C10orf90: variants seen among roughly 807,000 people sequenced by gnomAD.
C10orf90 encodes chromosome 10 open reading frame 90, also known as (E2-independent) E3 ubiquitin-conjugating enzyme FATS.
A neutral mutation model predicts 62.5 loss-of-function variants in C10orf90; 56 were observed. The ratio of observed to expected loss-of-function variants is 0.90; its 90% CI spans 0.72 to 1.12. The LOEUF is 1.12. Among genes scored for constraint, C10orf90 ranks in the 50% most tolerant of loss-of-function variants. The pLI is 0.00. For synonymous variants in C10orf90, 386 were observed against 340.4 expected (o/e 1.13, Z -1.47); for missense variants, 970 against 880.4 (o/e 1.10, Z -1.29).
intron 2 of C10orf90, among the ~76,000 whole-genome samples, chr10:126,551,517 G>A (rs1053911197): frequency 1.3e-5 from 2 of 152,146 alleles, no homozygotes; most frequent in African/African-American, 4.8e-5. Context: ...TATGGGGAGG[G>A]AGTGAGTGTG....
intron 1 of C10orf90, among the ~76,000 whole-genome samples, chr10:126,648,536 A>G (rs1166953940): frequency 6.6e-6 from 1 of 152,242 alleles, no homozygotes; most frequent in East Asian, 1.9e-4. Context: ...TTATACTTCT[A>G]TATATCTTTT....
chr10:126,526,282 T>C (rs1352610587), intron 2 of C10orf90, among the ~76,000 whole-genome samples: 4 of 151,278 alleles, frequency 2.6e-5, no homozygotes, highest in Admixed American at 6.6e-5. Context: ...TCTCACTCTG[T>C]CGTTCAGGCT....
chr10:126,622,555 T>A lies in C10orf90; in HGVS notation c.313+24010A>T, dbSNP rs372466843. ...AGAGGCCAGGGTGCAGCTAACATCC[T>A]ACAGTGCTCAGGATCCCTGCCACTA... On this transcript the variant is annotated intron_variant, in intron 2 of 9. Transcript: ENST00000488181. 1.4e-4 allele frequency among the ~76,000 whole-genome samples: 22 copies of A among 152,308 alleles called. No individual in the cohort carries two copies. The South Asian group carries it at 2.1e-3, about 14-fold the overall frequency.
chr10:126,660,866 C>T (rs1054646834), intron 1 of C10orf90, among the ~76,000 whole-genome samples: 5 of 152,218 alleles, frequency 3.3e-5, no homozygotes, highest in Admixed American at 1.3e-4. Context: ...CTAGCTGCTT[C>T]AGTTAATTTG....
At chr10:126,584,075 G>C (rs1244142476) in intron 2 of C10orf90, among the ~76,000 whole-genome samples, 1 of 152,148 alleles carries the variant, frequency 6.6e-6, no homozygotes, top group Non-Finnish European at 1.5e-5. Flanking sequence ...AGCTGTGATG[G>C]TGCCACTGCC....
chr10:126,665,102 C>A (rs1355786477), intron 1 of C10orf90, among the ~76,000 whole-genome samples: 1 of 152,182 alleles, frequency 6.6e-6, no homozygotes, highest in African/African-American at 2.4e-5. Flanking sequence ...GGGCTCCCAG[C>A]CTGTTGGCAG....
chr10:126,494,815 A>T (rs1861954225), intron 4 of C10orf90, among the ~76,000 whole-genome samples: 1 of 152,240 alleles, frequency 6.6e-6, no homozygotes, highest in Non-Finnish European at 1.5e-5. Context: ...ATTAGGCAAG[A>T]GTAGGCATTT....
chr10:126,513,218 C>A (rs1863239322), intron 3 of C10orf90, among the ~76,000 whole-genome samples: 1 of 152,158 alleles, frequency 6.6e-6, no homozygotes, highest in African/African-American at 2.4e-5. Context: ...TACAAAAGCT[C>A]CAGAGCCAGG....
chr10:126,633,282 G>A (rs531975136), intron 2 of C10orf90, among the ~76,000 whole-genome samples: 1 of 152,350 alleles, frequency 6.6e-6, no homozygotes, highest in African/African-American at 2.4e-5. Context: ...GGACATCCCA[G>A]GGCCACATGA....
chr10:126,553,410 T>G (rs1864683574), intron 2 of C10orf90, among the ~76,000 whole-genome samples: 1 of 152,182 alleles, frequency 6.6e-6, no homozygotes, highest in Admixed American at 6.5e-5. Context: ...CAACACCTAT[T>G]AATCATCAAA....
chr10:126,589,968 C>T (rs1844947165), intron 2 of C10orf90, among the ~76,000 whole-genome samples: 1 of 152,134 alleles, frequency 6.6e-6, no homozygotes, highest in Non-Finnish European at 1.5e-5. Flanking sequence ...TGCAAAAACA[C>T]ACACAGGCTC....
intron 2 of C10orf90, among the ~76,000 whole-genome samples, chr10:126,546,586 A>C (rs200257629): frequency 6.6e-6 from 1 of 152,044 alleles, no homozygotes; most frequent in East Asian, 1.9e-4. Flanking sequence ...GCCTCCCCCC[A>C]CCCAGGGAGA....
At chr10:126,518,861 C>T (rs915070668) in intron 2 of C10orf90, among the ~76,000 whole-genome samples, 1 of 152,150 alleles carries the variant, frequency 6.6e-6, no homozygotes, top group African/African-American at 2.4e-5. Context: ...CACCACAAGG[C>T]CCTGAGTCAA....
intron 2 of C10orf90, among the ~76,000 whole-genome samples, chr10:126,615,082 T>C (rs1049896228): frequency 5.3e-5 from 8 of 152,184 alleles, no homozygotes; most frequent in African/African-American, 1.9e-4. Context: ...CTCTTAGTGT[T>C]TTCTCATCCT....
intron 2 of C10orf90, among the ~76,000 whole-genome samples, chr10:126,544,178 C>T (rs896647380): frequency 2.6e-5 from 4 of 152,214 alleles, no homozygotes; most frequent in Non-Finnish European, 2.9e-5. Flanking sequence ...AAAGACTTTT[C>T]GAGATGGACC....
chr10:126,547,397 C>T (rs1403311679), intron 2 of C10orf90, among the ~76,000 whole-genome samples: 14 of 145,940 alleles, frequency 9.6e-5, no homozygotes, highest in Admixed American at 6.4e-4. Context: ...CCAGCCTGGG[C>T]GACAGAGCAA....
At chr10:126,591,971 C>T (rs959112332) in intron 2 of C10orf90, among the ~76,000 whole-genome samples, 3 of 152,000 alleles carry the variant, frequency 2.0e-5, no homozygotes, top group East Asian at 3.9e-4. Flanking sequence ...AATAAAATAC[C>T]TAGGAATACA....
intron 1 of C10orf90, among the ~76,000 whole-genome samples, chr10:126,664,344 G>C (rs183264611): frequency 6.6e-6 from 1 of 152,164 alleles, no homozygotes; most frequent in Non-Finnish European, 1.5e-5. Context: ...TCTTGGTGCC[G>C]TGGCTCTGTG....
intron 4 of C10orf90, among the ~76,000 whole-genome samples, chr10:126,470,716 C>T (rs1028680842): frequency 2.0e-5 from 3 of 150,824 alleles, no homozygotes; most frequent in Non-Finnish European, 4.4e-5. Flanking sequence ...CACCACTTCA[C>T]TCCAGCCTGG....
Sources: gnomAD v4.1 joint callset for allele counts (sites outside exome capture counted in the v4.1 genomes callset) on GRCh38, gnomAD v4.1.1 for gene constraint, MANE v1.5 for transcripts, NCBI Gene and HGNC (gene_info 2026-07-23, HGNC 2026-07-21) for gene names.